Variants in STX6 observed in about 807,000 individuals in gnomAD.
STX6 encodes syntaxin-6.
A neutral mutation model predicts 38.0 loss-of-function variants in STX6; 23 were observed. The ratio of observed to expected loss-of-function variants is 0.60; its 90% CI spans 0.43 to 0.86. The LOEUF (loss-of-function observed/expected upper bound fraction) is 0.86. STX6 is among the 40% of genes least tolerant of loss of function. STX6 has a pLI of 0.00. For missense variants in STX6, 274 were observed against 312.9 expected, an observed-to-expected ratio of 0.88 and a Z score of 0.94; for synonymous variants, 123 against 107.5, an observed-to-expected ratio of 1.14 and a Z score of -0.89.
At chr1:181,001,011 A>C (rs1349243939) in intron 3 of STX6, among the ~76,000 whole-genome samples, 3 of 152,208 alleles carry the variant, frequency 2.0e-5, no homozygotes, top group Non-Finnish European at 4.4e-5. Context: ...GTCCAATCCA[A>C]ACACTCACTG....
At chr1:180,990,979 C>T (rs1251310862) in intron 4 of STX6, among the ~76,000 whole-genome samples, 1 of 152,230 alleles carries the variant, frequency 6.6e-6, no homozygotes, top group Non-Finnish European at 1.5e-5. Context: ...GCCCCGCAGG[C>T]AAGAGCCAGA....
At chr1:180,981,908 G>A (rs957692212) in intron 7 of STX6, among the ~76,000 whole-genome samples, 1 of 152,074 alleles carries the variant, frequency 6.6e-6, no homozygotes, top group African/African-American at 2.4e-5. Context: ...AAGTCAGAGC[G>A]GAACAAAAGA....
intron 7 of STX6, among the ~76,000 whole-genome samples, chr1:180,982,854 C>G (rs1655455382): frequency 6.6e-6 from 1 of 152,158 alleles, no homozygotes; most frequent in Admixed American, 6.5e-5. Flanking sequence ...GACAGATGAA[C>G]TAAGCTGGTG....
chr1:180,975,517 C>T lies in STX6; in HGVS notation c.*1053G>A, dbSNP rs981448816. On this transcript the variant is annotated 3_prime_UTR_variant, in exon 8 of 8. Coordinates refer to ENST00000258301, the MANE Select transcript of STX6 (RefSeq NM_005819.6). The stretch of plus-strand genomic sequence containing the variant: ...AACCAAGTTTACCTACACATCCTTG[C>T]CATTACCCACAGAGTAAGAGAAGTC... The T allele has an allele frequency of 6.6e-5, 10 of 152,616 alleles. No homozygotes were observed. Among genetic ancestry groups the T allele is most frequent in the African/African-American group, 2.4e-4 (10 of 41,446 alleles). The allele number at this position is 152,616 out of a possible 1,614,324, so 9.5% of individuals were successfully genotyped here.
intron 7 of STX6, among the ~76,000 whole-genome samples, chr1:180,979,480 G>A (rs908819880): frequency 7.9e-5 from 12 of 152,144 alleles, no homozygotes; most frequent in African/African-American, 2.7e-4. Flanking sequence ...TGAAACAACT[G>A]GACATCCATG....
At chr1:181,016,172 A>G (rs1272885175) in intron 1 of STX6, among the ~76,000 whole-genome samples, 1 of 152,232 alleles carries the variant, frequency 6.6e-6, no homozygotes, top group Non-Finnish European at 1.5e-5. Flanking sequence ...AGTATCAAGC[A>G]TGGTTTCTCA....
chr1:181,002,578 G>C, intron 3 of STX6, 28 bp downstream of exon 3: 1 of 1,528,954 alleles, frequency 6.5e-7, no homozygotes, highest in South Asian at 1.1e-5. Context: ...TTCTTATACA[G>C]ATAACACAAT....
chr1:180,991,562 C>T (rs1655757531), intron 4 of STX6, among the ~76,000 whole-genome samples: 1 of 152,212 alleles, frequency 6.6e-6, no homozygotes. Context: ...ATGGTGTACA[C>T]TTAGGTAGAG....
At chr1:181,011,807 G>T (rs1006435865) in intron 1 of STX6, among the ~76,000 whole-genome samples, 2 of 152,096 alleles carry the variant, frequency 1.3e-5, no homozygotes, top group African/African-American at 4.8e-5. Flanking sequence ...CACCACTGTT[G>T]TCCGTTCTAC....
intron 3 of STX6, among the ~76,000 whole-genome samples, chr1:180,995,901 T>C (rs1655897551): frequency 6.6e-6 from 1 of 152,174 alleles, no homozygotes; most frequent in Admixed American, 6.5e-5. Flanking sequence ...ACAGGCACCT[T>C]CTGGGGGTGC....
chr1:180,976,771 G>T (rs1655269642), intron 7 of STX6, 125 bp from the exon 8 acceptor site: 3 of 828,702 alleles, frequency 3.6e-6, no homozygotes, highest in Admixed American at 4.1e-5. Context: ...ACGGGGCCAT[G>T]ATCTTACACC....
chr1:181,006,377 CTTG>C (rs758803647), intron 1 of STX6, among the ~76,000 whole-genome samples: 10 of 150,688 alleles, frequency 6.6e-5, no homozygotes, highest in Non-Finnish European at 1.2e-4. Context: ...TAGTGTTTTT[CTTG>C]TTTAGAGAAT....
chr1:181,016,616 T>G (rs1233791766), intron 1 of STX6, among the ~76,000 whole-genome samples: 1 of 152,136 alleles, frequency 6.6e-6, no homozygotes, highest in Non-Finnish European at 1.5e-5. Context: ...ACCAATACAG[T>G]TTTTCAACAG....
chr1:181,017,368 G>C (rs955127723), intron 1 of STX6, among the ~76,000 whole-genome samples: 1 of 152,170 alleles, frequency 6.6e-6, no homozygotes, highest in Non-Finnish European at 1.5e-5. Flanking sequence ...ACTCCAGCCT[G>C]GGCAACAGAG....
Position 180,988,313 on chromosome 1 carries a change from C to T in STX6, c.522G>A (p.Glu174=), listed in dbSNP as rs1655650762. The change falls in exon 6 of 8, where the codon GAG becomes GAA. Residue 174 remains glutamate (E), a synonymous_variant. Transcript: ENST00000258301. The part of the protein sequence containing the change: ...LIVEQQDEQL[E]LVSGSIGVLK... ...GCACCCCGATGCTGCCAGAGACCAG[C>T]TCCAACTGCTCATCCTGCTGTTCCA... 5.0e-6 allele frequency: 8 copies of T among 1,613,848 alleles called. No homozygotes were observed. The highest frequency in any genetic ancestry group is 2.7e-5 in the African/African-American group (2 of 74,894).
intron 3 of STX6, among the ~76,000 whole-genome samples, chr1:180,995,416 G>GT (rs1202086803): frequency 6.6e-6 from 1 of 152,188 alleles, no homozygotes; most frequent in African/African-American, 2.4e-5. Context: ...CACTATGCTA[G>GT]TATCTCCTGG....
chr1:181,006,338 C>T lies in STX6; in HGVS notation c.36-875G>A, dbSNP rs183230984. On this transcript the variant is annotated intron_variant, in intron 1 of 7. Transcript: ENST00000258301. ...TCAGCCTCCCAAAGTGCTAGGATTACAGGCATGAGCCACCACGCCCAGCCA... is the reference window on the plus strand; with the variant it reads ...TCAGCCTCCCAAAGTGCTAGGATTATAGGCATGAGCCACCACGCCCAGCCA... 2.8e-3 allele frequency among the ~76,000 whole-genome samples: 421 copies of T among 151,770 alleles called. 1 individual carries two copies. Among genetic ancestry groups the T allele is most frequent in the Middle Eastern group, 0.01 (3 of 294 alleles).
intron 3 of STX6, among the ~76,000 whole-genome samples, chr1:180,999,661 G>GA (rs35223208): frequency 0.68 from 101,956 of 149,352 alleles, 35,104 homozygotes; most frequent in East Asian, 0.78. Flanking sequence ...AGCAAATAAA[G>GA]AAAAAAAAAA....
chr1:181,003,925 T>C (rs950013888), intron 2 of STX6, among the ~76,000 whole-genome samples: 2 of 152,250 alleles, frequency 1.3e-5, no homozygotes, highest in Non-Finnish European at 2.9e-5. Context: ...ATCTCTTCAA[T>C]GGACGGTAGC....
Sources: allele counts gnomAD v4.1 joint callset (sites outside exome capture counted in the v4.1 genomes callset), GRCh38; gene constraint gnomAD v4.1.1; transcripts MANE v1.5; gene names NCBI Gene and HGNC (gene_info 2026-07-23, HGNC 2026-07-21).